ACTR3C: variants seen among roughly 807,000 people sequenced by gnomAD.
ACTR3C encodes actin-related protein 3C.
Under a neutral mutation model 26.3 loss-of-function variants are expected in ACTR3C, and 18 were observed. The observed-to-expected ratio is 0.68, with a 90% CI of 0.47 to 1.01. The LOEUF (loss-of-function observed/expected upper bound fraction) is 1.01, where lower values mean the gene tolerates loss of function less well. ACTR3C is among the 50% of genes least tolerant of loss of function. ACTR3C has a pLI of 0.00. For missense variants in ACTR3C, 184 were observed against 250.7 expected (o/e 0.73, Z 1.80); for synonymous variants, 55 against 94.5 (o/e 0.58, Z 2.42).
the ACTR3C span, among the ~76,000 whole-genome samples, chr7:150,079,054 T>C: frequency 6.6e-6 from 1 of 152,168 alleles, no homozygotes; most frequent in Non-Finnish European, 1.5e-5. Flanking sequence ...ACACAGGGGA[T>C]AACTGGCCCT....
chr7:150,322,157 T>C (rs1797587094), intron 1 of ACTR3C, among the ~76,000 whole-genome samples: 2 of 152,178 alleles, frequency 1.3e-5, no homozygotes, highest in African/African-American at 4.8e-5. Context: ...AGATGTTCTC[T>C]GGGTTAGGTG....
At chr7:150,168,157 G>C in the ACTR3C span, among the ~76,000 whole-genome samples, 1 of 150,720 alleles carries the variant, frequency 6.6e-6, no homozygotes, top group Non-Finnish European at 1.5e-5. Flanking sequence ...CCAGTCCATG[G>C]CCTTGTCTAG....
At chr7:150,048,694 T>C in the ACTR3C span, among the ~76,000 whole-genome samples, 315 of 142,612 alleles carry the variant, frequency 2.2e-3, no homozygotes, top group East Asian at 5.1e-3. Context: ...CCCCCAGCTC[T>C]TCTTGCCTAA....
At chr7:150,258,816 A>G (rs1833420850) in intron 6 of ACTR3C, among the ~76,000 whole-genome samples, 1 of 151,178 alleles carries the variant, frequency 6.6e-6, no homozygotes, top group Middle Eastern at 3.4e-3. Flanking sequence ...TAACTCATCA[A>G]TTTGGCTCCT....
the ACTR3C span, among the ~76,000 whole-genome samples, chr7:150,147,384 T>A: frequency 0.017 from 2,593 of 152,198 alleles, 68 homozygotes; most frequent in African/African-American, 0.059. Flanking sequence ...AAAAACAAAC[T>A]AAAAAGCTGC....
chr7:149,991,335 T>C, the ACTR3C span, among the ~76,000 whole-genome samples: 1 of 152,192 alleles, frequency 6.6e-6, no homozygotes, highest in African/African-American at 2.4e-5. Context: ...AGCTAAACCA[T>C]ATCACCTGAC....
chr7:150,097,470 A>G, the ACTR3C span, among the ~76,000 whole-genome samples: 1 of 151,576 alleles, frequency 6.6e-6, no homozygotes, highest in South Asian at 2.1e-4. Flanking sequence ...TCTGCGGGTC[A>G]CCTATGTTGA....
the ACTR3C span, among the ~76,000 whole-genome samples, chr7:150,238,196 C>T: frequency 7.0e-6 from 1 of 142,900 alleles, no homozygotes; most frequent in Non-Finnish European, 1.5e-5. Context: ...AGATATAGCT[C>T]AGCATACTCA....
chr7:150,173,844 T>C, the ACTR3C span, among the ~76,000 whole-genome samples: 1 of 148,954 alleles, frequency 6.7e-6, no homozygotes, highest in Non-Finnish European at 1.5e-5. Context: ...CACAAATCCC[T>C]AGGGCAGGGG....
chr7:149,983,871 A>G, the ACTR3C span, among the ~76,000 whole-genome samples: 6 of 152,196 alleles, frequency 3.9e-5, no homozygotes, highest in African/African-American at 1.4e-4. Context: ...AAATGAACCA[A>G]TCACAGAAGG....
At chr7:149,931,206 C>T in the ACTR3C span, among the ~76,000 whole-genome samples, 1 of 152,240 alleles carries the variant, frequency 6.6e-6, no homozygotes, top group Admixed American at 6.5e-5. Flanking sequence ...TGCTCCCACA[C>T]TGGGGTTTTG....
chr7:150,049,797 C>T, the ACTR3C span, among the ~76,000 whole-genome samples: 4 of 152,236 alleles, frequency 2.6e-5, no homozygotes, highest in Admixed American at 6.5e-5. Flanking sequence ...ATTTGTACCA[C>T]GCTCATCTTC....
At chr7:149,902,347 T>C in the ACTR3C span, among the ~76,000 whole-genome samples, 1 of 149,140 alleles carries the variant, frequency 6.7e-6, no homozygotes. Flanking sequence ...AAATCAAAAT[T>C]ACAGTCCAAT....
At chr7:149,953,980 AAT>A in the ACTR3C span, among the ~76,000 whole-genome samples, 1 of 140,282 alleles carries the variant, frequency 7.1e-6, no homozygotes, top group Non-Finnish European at 1.5e-5. Flanking sequence ...TATGGCTGAC[AAT>A]TGAGTAGATG....
chr7:150,205,528 C>G, the ACTR3C span, among the ~76,000 whole-genome samples: 1 of 152,184 alleles, frequency 6.6e-6, no homozygotes, highest in Non-Finnish European at 1.5e-5. Context: ...ACGCCCAAAT[C>G]CAGCTCTATA....
At chr7:150,058,675 G>A in the ACTR3C span, among the ~76,000 whole-genome samples, 54 of 152,292 alleles carry the variant, frequency 3.5e-4, no homozygotes, top group East Asian at 0.01. Context: ...TCAGCACTTG[G>A]GGAGGCCAAG....
the ACTR3C span, among the ~76,000 whole-genome samples, chr7:149,949,837 G>A: frequency 1.4e-5 from 2 of 143,322 alleles, no homozygotes; most frequent in Admixed American, 1.3e-4. Context: ...TGAAATGATC[G>A]CACAATCTGT....
the ACTR3C span, among the ~76,000 whole-genome samples, chr7:150,097,971 T>G: frequency 6.6e-6 from 1 of 151,492 alleles, no homozygotes; most frequent in Non-Finnish European, 1.5e-5. Flanking sequence ...GTGCCTGTCA[T>G]AGACGTCATG....
chr7:149,905,340 A>AAATAGTGTTGGGACAACTAGCCTT, the ACTR3C span, among the ~76,000 whole-genome samples: 1 of 151,900 alleles, frequency 6.6e-6, no homozygotes, highest in East Asian at 1.9e-4. Flanking sequence ...ACTCTTTAAT[A>AAATAGTGTTGGGACAACTAGCCTT]AATAGTGTTG....
Sources: gnomAD v4.1 joint callset for allele counts (sites outside exome capture counted in the v4.1 genomes callset) on GRCh38, gnomAD v4.1.1 for gene constraint, MANE v1.5 for transcripts, NCBI Gene and HGNC (gene_info 2026-07-23, HGNC 2026-07-21) for gene names.